ZNF407: variants seen among roughly 807,000 people sequenced by gnomAD.
ZNF407 encodes zinc finger protein 407.
A neutral mutation model predicts 131.2 loss-of-function variants in ZNF407; 17 were observed. That is an observed-to-expected ratio of 0.13 (90% CI 0.09 to 0.19). The LOEUF (loss-of-function observed/expected upper bound fraction) is 0.19. Ranked by LOEUF, ZNF407 falls within the 10% of genes least tolerant of loss-of-function variation. The probability of loss-of-function intolerance (pLI) is 1.00; values close to 1 mark genes in which losing one functional copy is unlikely to be tolerated. For missense variants in ZNF407, 2,681 were observed against 2,830.6 expected (o/e 0.95, Z 1.20); for synonymous variants, 1,156 against 1,062.0 (o/e 1.09, Z -1.72).
chr18:74,952,433 A>G (rs975498519), intron 8 of ZNF407, among the ~76,000 whole-genome samples: 4 of 152,178 alleles, frequency 2.6e-5, no homozygotes, highest in Non-Finnish European at 5.9e-5. Flanking sequence ...TTACTGCCAA[A>G]TACTTGTCGA....
At position 74,633,125 on chromosome 18, in the gene ZNF407, G is replaced by A; in HGVS notation, c.2106G>A (p.Lys702=). Residue 702 remains lysine (K), a synonymous_variant, in exon 2 of 9, where the codon AAG becomes AAA. Coordinates refer to ENST00000299687, the MANE Select transcript of ZNF407 (RefSeq NM_017757.3). The part of the protein sequence containing the change: ...SHGNEVRHSS[K]PQFQCKKCFY... ...GTAATGAAGTGAGGCATTCCAGTAAGCCTCAGTTTCAGTGTAAGAAGTGTT... is the reference window on the plus strand; with the variant it reads ...GTAATGAAGTGAGGCATTCCAGTAAACCTCAGTTTCAGTGTAAGAAGTGTT... 2 of 1,613,288 alleles carry A rather than the reference G, an allele frequency of 1.2e-6. No homozygotes were observed. The highest frequency in any genetic ancestry group is 1.7e-6 in the Non-Finnish European group (2 of 1,179,750).
At position 74,651,202 on chromosome 18, in the gene ZNF407, A is replaced by T. The variant is rs1454023810; in HGVS notation, c.4802+10080A>T. Reference sequence around the variant, plus strand: ...TGGAAAATGACAGTTTTAAAAATAGACAAAATTATATGTTAGTTATGAAGA... The same window carrying T: ...TGGAAAATGACAGTTTTAAAAATAGTCAAAATTATATGTTAGTTATGAAGA... On this transcript the variant is annotated intron_variant, in intron 3 of 8. Coordinates refer to ENST00000299687, the MANE Select transcript of ZNF407 (RefSeq NM_017757.3). 7.2e-5 allele frequency among the ~76,000 whole-genome samples: 11 copies of T among 152,292 alleles called. 1 individual carries two copies. In the South Asian group the frequency reaches 2.3e-3, roughly 32 times the overall value.
chr18:74,662,662 C>T (rs1474411937), intron 3 of ZNF407, among the ~76,000 whole-genome samples: 1 of 152,144 alleles, frequency 6.6e-6, no homozygotes, highest in Non-Finnish European at 1.5e-5. Flanking sequence ...TAAACCAAGC[C>T]AGGCATAGCA....
chr18:74,918,888 T>C (rs547822522), intron 7 of ZNF407, among the ~76,000 whole-genome samples: 2 of 152,300 alleles, frequency 1.3e-5, no homozygotes, highest in East Asian at 1.9e-4. Context: ...TTGTTCAGTT[T>C]AATTATACTG....
At chr18:74,702,243 T>C (rs1014936882) in intron 3 of ZNF407, among the ~76,000 whole-genome samples, 4 of 152,176 alleles carry the variant, frequency 2.6e-5, no homozygotes, top group African/African-American at 9.7e-5. Context: ...TGAGTTAAGA[T>C]ATGGGATGAG....
chr18:75,040,968 A>G (rs533055250), intron 8 of ZNF407, among the ~76,000 whole-genome samples: 1 of 152,252 alleles, frequency 6.6e-6, no homozygotes, highest in African/African-American at 2.4e-5. Flanking sequence ...CAGAAGCTGC[A>G]ATTACTTTGG....
chr18:75,018,830 T>C (rs1288529187), intron 8 of ZNF407, among the ~76,000 whole-genome samples: 2 of 152,092 alleles, frequency 1.3e-5, no homozygotes, highest in Admixed American at 1.3e-4. Context: ...TTTTGCAAAT[T>C]TGGAAAACTT....
intron 3 of ZNF407, among the ~76,000 whole-genome samples, chr18:74,765,794 A>G (rs777267313): frequency 6.6e-6 from 1 of 151,374 alleles, no homozygotes; most frequent in Non-Finnish European, 1.5e-5. Flanking sequence ...TCTGTTTCTC[A>G]CCTCGTTACA....
rs760543783 is a variant in ZNF407, at chr18:74,634,055, A to T, written c.3036A>T (p.Thr1012=). The change falls in exon 2 of 9, where the codon ACA becomes ACT. Residue 1012 remains threonine, a synonymous_variant. Coordinates refer to ENST00000299687, the MANE Select transcript of ZNF407 (RefSeq NM_017757.3). ...ATGTGTACTCCCAGAGAGATGTTAC[A>T]GGCACAGGTGAGAATAAGTGTTTGC... ...PGDVYSQRDV[T]GTGENKCLHC... 7 of 1,613,952 alleles carry T rather than the reference A, an allele frequency of 4.3e-6. No homozygotes were observed. The South Asian group carries it at 7.7e-5, about 18-fold the overall frequency.
At chr18:74,968,199 A>T (rs1261855362) in intron 8 of ZNF407, among the ~76,000 whole-genome samples, 2 of 152,172 alleles carry the variant, frequency 1.3e-5, no homozygotes, top group Non-Finnish European at 2.9e-5. Flanking sequence ...GTATTAGCAT[A>T]TACATGCGTG....
At chr18:74,918,436 C>T (rs545953822) in intron 7 of ZNF407, among the ~76,000 whole-genome samples, 2 of 152,182 alleles carry the variant, frequency 1.3e-5, no homozygotes, top group African/African-American at 2.4e-5. Flanking sequence ...CCTTCGAAGT[C>T]GCCAAGTCAG....
At chr18:74,907,827 A>G (rs114809517) in intron 7 of ZNF407, among the ~76,000 whole-genome samples, 394 of 152,322 alleles carry the variant, frequency 2.6e-3, no homozygotes, top group African/African-American at 8.9e-3. Flanking sequence ...GATACTATCA[A>G]ATGTTTTTCA....
At chr18:74,983,408 T>C (rs1352874265) in intron 8 of ZNF407, among the ~76,000 whole-genome samples, 1 of 152,160 alleles carries the variant, frequency 6.6e-6, no homozygotes, top group Admixed American at 6.5e-5. Flanking sequence ...ATTTCCCAAA[T>C]GAAAATAGGA....
At chr18:74,757,318 A>G (rs1045671455) in intron 3 of ZNF407, among the ~76,000 whole-genome samples, 4 of 151,994 alleles carry the variant, frequency 2.6e-5, no homozygotes, top group Non-Finnish European at 4.4e-5. Flanking sequence ...TATTGCTTCA[A>G]CTACATCTTC....
At chr18:74,950,118 G>A (rs1222449062) in intron 8 of ZNF407, among the ~76,000 whole-genome samples, 1 of 152,150 alleles carries the variant, frequency 6.6e-6, no homozygotes, top group Non-Finnish European at 1.5e-5. Flanking sequence ...CAGCAGGCAG[G>A]AGGACAGTGC....
intron 8 of ZNF407, among the ~76,000 whole-genome samples, chr18:74,976,377 T>C (rs554012339): frequency 6.6e-6 from 1 of 152,342 alleles, no homozygotes; most frequent in African/African-American, 2.4e-5. Context: ...TGTTTGCTTC[T>C]ATACGAAGCT....
chr18:75,011,755 G>A (rs947122147), intron 8 of ZNF407, among the ~76,000 whole-genome samples: 2 of 152,012 alleles, frequency 1.3e-5, no homozygotes, highest in African/African-American at 2.4e-5. Flanking sequence ...TCTTAAACTC[G>A]CATTATAATT....
At chr18:74,745,135 T>C (rs1968638389) in intron 3 of ZNF407, among the ~76,000 whole-genome samples, 1 of 152,144 alleles carries the variant, frequency 6.6e-6, no homozygotes, top group African/African-American at 2.4e-5. Context: ...AATGAAAACA[T>C]TCTTAAGATC....
intron 8 of ZNF407, among the ~76,000 whole-genome samples, chr18:75,017,199 A>G (rs1973054784): frequency 6.6e-6 from 1 of 152,152 alleles, no homozygotes; most frequent in South Asian, 2.1e-4. Context: ...ACAAATAATA[A>G]CAAGTATTTG....
Sources: allele counts gnomAD v4.1 joint callset (sites outside exome capture counted in the v4.1 genomes callset), GRCh38; gene constraint gnomAD v4.1.1; transcripts MANE v1.5; gene names NCBI Gene and HGNC (gene_info 2026-07-23, HGNC 2026-07-21).